MYBPC1: variants seen among roughly 807,000 people sequenced by gnomAD.
MYBPC1 encodes myosin binding protein C1, also known as myosin-binding protein C, slow-type.
MYBPC1 carries 52 observed loss-of-function variants against 147.1 expected under a neutral mutation model. The observed-to-expected ratio is 0.35, with a 90% CI of 0.28 to 0.45. The LOEUF (loss-of-function observed/expected upper bound fraction) is 0.45, where lower values mean the gene tolerates loss of function less well. Among genes scored for constraint, MYBPC1 ranks in the 20% least tolerant of loss-of-function variants. MYBPC1 has a pLI of 1.00. For synonymous variants in MYBPC1, 477 were observed against 475.9 expected, an observed-to-expected ratio of 1.00 and a Z score of -0.03; for missense variants, 1,228 against 1,440.3, an observed-to-expected ratio of 0.85 and a Z score of 2.39.
At chr12:101,647,067 C>T (rs1416700020) in intron 13 of MYBPC1, 180 bp downstream of exon 13, 2 of 714,710 alleles carry the variant, frequency 2.8e-6, no homozygotes, top group African/African-American at 3.6e-5. Flanking sequence ...CTGTTGAGTA[C>T]AAATGCCTCA....
At chr12:101,661,782 G>T (rs752128140) in intron 20 of MYBPC1, among the ~76,000 whole-genome samples, 1 of 151,372 alleles carries the variant, frequency 6.6e-6, no homozygotes, top group Non-Finnish European at 1.5e-5. Flanking sequence ...CCAGCTACTC[G>T]CTACTCAGGA....
At chr12:101,666,589 CT>C (rs1481989525) in intron 22 of MYBPC1, 3 of 737,788 alleles carry the variant, frequency 4.1e-6, no homozygotes, top group East Asian at 5.6e-5. Flanking sequence ...AGGAACCCCC[CT>C]AACACCGTTT....
chr12:101,661,073 C>A, intron 19 of MYBPC1, 85 bp from the exon 20 acceptor site: 1 of 813,716 alleles, frequency 1.2e-6, no homozygotes, highest in South Asian at 1.5e-5. Flanking sequence ...CAATGATTAT[C>A]ACCAAGAAAC....
chr12:101,639,000 T>C (rs1891513922), intron 10 of MYBPC1, among the ~76,000 whole-genome samples: 4 of 152,078 alleles, frequency 2.6e-5, no homozygotes, highest in Admixed American at 2.6e-4. Flanking sequence ...CTCCTCCAAG[T>C]GTGTGTGCCA....
chr12:101,663,779 T>C (rs1007157427), intron 22 of MYBPC1, among the ~76,000 whole-genome samples: 4 of 152,300 alleles, frequency 2.6e-5, no homozygotes, highest in Admixed American at 6.5e-5. Context: ...GGCTGCCAGA[T>C]TGGACACTAT....
intron 5 of MYBPC1, among the ~76,000 whole-genome samples, chr12:101,628,423 A>T (rs1889123341): frequency 6.6e-6 from 1 of 152,206 alleles, no homozygotes; most frequent in South Asian, 2.1e-4. Context: ...CATGACTATG[A>T]TTGTCACATA....
At chr12:101,644,526 A>T (rs1019418630) in intron 11 of MYBPC1, 138 bp from the exon 12 acceptor site, 1 of 759,386 alleles carries the variant, frequency 1.3e-6, no homozygotes, top group African/African-American at 1.8e-5. Flanking sequence ...TATAAAGGAT[A>T]ATTTGGAAGG....
Position 101,661,211 on chromosome 12 carries a change from T to C in MYBPC1, c.1981T>C (p.Cys661Arg), listed in dbSNP as rs1896492637. 6.2e-7 allele frequency: 1 copy of C among 1,613,876 alleles called. No homozygotes were observed. The highest frequency in any genetic ancestry group is 1.1e-5 in the South Asian group (1 of 91,052). ...TGTGACAGAGGTGGGAGATGACTGG[T>C]GTATCATGAACTGGGAGCCTCCTGC... Reference protein sequence around the residue: ...PTVTEVGDDWCIMNWEPPAYD... With the variant: ...PTVTEVGDDWRIMNWEPPAYD... The change falls in exon 20 of 32, where the codon TGT (cysteine) becomes CGT (arginine). Residue 661 changes from cysteine to arginine, a missense_variant. This residue lies in a region of MYBPC1 where 1,077 missense variants were observed against 1,314.2 expected (regional missense o/e 0.82). Transcript: ENST00000361466.
intron 29 of MYBPC1, among the ~76,000 whole-genome samples, chr12:101,682,362 G>C (rs1328340429): frequency 6.6e-6 from 1 of 152,090 alleles, no homozygotes; most frequent in Non-Finnish European, 1.5e-5. Context: ...TGAAAATGTA[G>C]TAAATGGTAC....
At chr12:101,665,280 CA>C (rs1231202887) in intron 22 of MYBPC1, among the ~76,000 whole-genome samples, 1 of 152,184 alleles carries the variant, frequency 6.6e-6, no homozygotes. Context: ...AGTTCTCTCA[CA>C]ACGTGTATCT....
rs116606506 is a variant in MYBPC1, at chr12:101,632,607, C to T, written c.556+469C>T. ...TAAACATAGAAGGCCTAAATGCATA[C>T]GATGAGGTTGGAAAAAAACTCGCTT... is the stretch of plus-strand genomic sequence containing the variant. On this transcript the variant is annotated intron_variant, in intron 8 of 31. Transcript: ENST00000361466. Among the ~76,000 whole-genome samples, 377 of 152,090 alleles carry T rather than the reference C, an allele frequency of 2.5e-3. 1 individual carries two copies. Among genetic ancestry groups the T allele is most frequent in the African/African-American group, 8.8e-3 (366 of 41,476 alleles).
chr12:101,670,708 A>C (rs1034512987), intron 24 of MYBPC1, among the ~76,000 whole-genome samples: 4 of 152,208 alleles, frequency 2.6e-5, no homozygotes, highest in African/African-American at 9.6e-5. Flanking sequence ...TACCAAATGA[A>C]GAAATGCTTG....
At chr12:101,683,189 G>A (rs958509322) in intron 30 of MYBPC1, among the ~76,000 whole-genome samples, 15 of 152,054 alleles carry the variant, frequency 9.9e-5, no homozygotes, top group African/African-American at 3.6e-4. Flanking sequence ...CAGCACTTTG[G>A]GAGGCTGAGG....
At position 101,685,752 on chromosome 12, in the gene MYBPC1, TTC is replaced by T; in HGVS notation, c.*192_*193del. 8.5e-7 allele frequency: 1 copy of T among 1,179,490 alleles called. No individual in the cohort carries two copies. Among genetic ancestry groups the T allele is most frequent in the Non-Finnish European group, 1.2e-6 (1 of 852,534 alleles). The allele number at this position is 1,179,490 out of a possible 1,614,324, so 73.1% of individuals were successfully genotyped here. A position where few individuals can be genotyped will look rare whatever the true frequency, so the allele number is the denominator to read the frequency against. ...TCTGGTTGAAATGAGAAAAAGCATT[TTC>T]TGTTTTCCCACCAGGCCCCCAAGTG... On this transcript the variant is annotated 3_prime_UTR_variant, in exon 32 of 32. Transcript: ENST00000361466.
chr12:101,659,516 A>G (rs1265484861), intron 18 of MYBPC1, among the ~76,000 whole-genome samples, 156 bp from the exon 19 acceptor site: 1 of 152,190 alleles, frequency 6.6e-6, no homozygotes, highest in African/African-American at 2.4e-5. Flanking sequence ...ATAGGCATGA[A>G]CACTATATAG....
At chr12:101,624,683 A>ATTTTTTTTTTTTTTTTTTTTTTTTT (rs57175970) in intron 3 of MYBPC1, among the ~76,000 whole-genome samples, 7 of 99,104 alleles carry the variant, frequency 7.1e-5, no homozygotes, top group African/African-American at 2.9e-4. Flanking sequence ...CGGCTAATTA[A>ATTTTTTTTTTTTTTTTTTTTTTTTT]TTTTTTTTTT....
At chr12:101,624,732 G>A (rs1029073664) in intron 3 of MYBPC1, among the ~76,000 whole-genome samples, 4 of 80,526 alleles carry the variant, frequency 5.0e-5, no homozygotes, top group African/African-American at 2.2e-4. Flanking sequence ...TTGTTATGTT[G>A]CCCAGGCAAA....
chr12:101,667,265 A>G (rs996275744), intron 22 of MYBPC1, among the ~76,000 whole-genome samples: 1 of 135,890 alleles, frequency 7.4e-6, no homozygotes, highest in Non-Finnish European at 1.6e-5. Flanking sequence ...GTGTCTTACA[A>G]TAGTAAATCA....
At chr12:101,641,937 G>C (rs529236064) in intron 10 of MYBPC1, among the ~76,000 whole-genome samples, 2 of 151,732 alleles carry the variant, frequency 1.3e-5, no homozygotes, top group Admixed American at 6.6e-5. Context: ...TAATGTATTT[G>C]TACTGTCTCC....
Sources: allele counts gnomAD v4.1 joint callset (sites outside exome capture counted in the v4.1 genomes callset), GRCh38; gene constraint gnomAD v4.1.1; regional missense constraint gnomAD v4.1.1; transcripts MANE v1.5; gene names NCBI Gene and HGNC (gene_info 2026-07-23, HGNC 2026-07-21).